The following KCNIP4 variants were observed in gnomAD, a reference collection of about 807,000 sequenced individuals.
KCNIP4 encodes the protein Kv channel-interacting protein 4.
In KCNIP4, 12 loss-of-function variants were observed where a neutral mutation model predicts 34.0. The ratio of observed to expected loss-of-function variants is 0.35; its 90% CI spans 0.23 to 0.57. KCNIP4 has a LOEUF of 0.57. Ranked by LOEUF, KCNIP4 falls within the 20% of genes least tolerant of loss-of-function variation. The pLI is 0.83. For synonymous variants in KCNIP4, 124 were observed against 102.2 expected (o/e 1.21, Z -1.29); for missense variants, 238 against 311.7 (o/e 0.76, Z 1.78).
chr4:21,508,571 A>G (rs1489358502), intron 1 of KCNIP4, among the ~76,000 whole-genome samples: 1 of 152,198 alleles, frequency 6.6e-6, no homozygotes, highest in Non-Finnish European at 1.5e-5. Context: ...TTAAATATTC[A>G]TCTTCCCACT....
At chr4:20,854,899 T>C (rs1485732918) in intron 2 of KCNIP4, among the ~76,000 whole-genome samples, 1 of 152,182 alleles carries the variant, frequency 6.6e-6, no homozygotes, top group African/African-American at 2.4e-5. Context: ...GAATTATGTT[T>C]ACGCTATAAT....
chr4:21,756,567 AAAGAG>A (rs1317841852), intron 1 of KCNIP4, among the ~76,000 whole-genome samples: 30 of 148,884 alleles, frequency 2.0e-4, no homozygotes, highest in Non-Finnish European at 3.7e-4. Flanking sequence ...AAAAAAAAAA[AAAGAG>A]AGAGAGAGAG....
At chr4:21,749,632 A>T (rs1577936856) in intron 1 of KCNIP4, among the ~76,000 whole-genome samples, 1 of 152,068 alleles carries the variant, frequency 6.6e-6, no homozygotes, top group Non-Finnish European at 1.5e-5. Context: ...AGCTAATGAG[A>T]CCCGTCATTC....
intron 1 of KCNIP4, among the ~76,000 whole-genome samples, chr4:21,344,708 G>C (rs541501079): frequency 1.3e-5 from 2 of 152,188 alleles, no homozygotes; most frequent in African/African-American, 4.8e-5. Context: ...TATGTAGGCA[G>C]AATAGGCATC....
At chr4:21,202,550 C>T (rs1756566702) in intron 1 of KCNIP4, among the ~76,000 whole-genome samples, 1 of 152,112 alleles carries the variant, frequency 6.6e-6, no homozygotes, top group Non-Finnish European at 1.5e-5. Flanking sequence ...ACCTTTGTAA[C>T]AAACTTGCAC....
intron 1 of KCNIP4, among the ~76,000 whole-genome samples, chr4:21,723,062 A>G (rs1189531832): frequency 6.6e-6 from 1 of 152,160 alleles, no homozygotes; most frequent in African/African-American, 2.4e-5. Flanking sequence ...TCTACAGAAT[A>G]AAATTTAACA....
At chr4:20,758,735 GCAT>G in intron 4 of KCNIP4, 83 bp downstream of exon 4, 1 of 962,592 alleles carries the variant, frequency 1.0e-6, no homozygotes, top group Non-Finnish European at 1.7e-6. Flanking sequence ...TAAAAATGTA[GCAT>G]CATGCTATGA....
At chr4:21,381,969 G>A (rs1721553094) in intron 1 of KCNIP4, among the ~76,000 whole-genome samples, 1 of 152,150 alleles carries the variant, frequency 6.6e-6, no homozygotes, top group South Asian at 2.1e-4. Context: ...GTATCAACAG[G>A]CTGCAAAAGA....
intron 1 of KCNIP4, among the ~76,000 whole-genome samples, chr4:21,855,007 T>G (rs1054021112): frequency 2.0e-5 from 3 of 152,206 alleles, no homozygotes; most frequent in Non-Finnish European, 4.4e-5. Flanking sequence ...CATTCCCTGC[T>G]CTATCATTTG....
intron 1 of KCNIP4, among the ~76,000 whole-genome samples, chr4:21,293,387 C>T (rs758869578): frequency 2.0e-4 from 31 of 152,158 alleles, no homozygotes; most frequent in African/African-American, 2.7e-4. Context: ...CACTCAGCCA[C>T]GCTGTCAATC....
intron 1 of KCNIP4, among the ~76,000 whole-genome samples, chr4:21,792,062 C>G (rs1228864465): frequency 4.0e-5 from 6 of 148,546 alleles, no homozygotes; most frequent in Middle Eastern, 3.2e-3. Context: ...TCCCTACACT[C>G]TCTCTGTTTT....
chr4:21,560,431 T>C (rs1477498747), intron 1 of KCNIP4, among the ~76,000 whole-genome samples: 2 of 152,092 alleles, frequency 1.3e-5, no homozygotes, highest in African/African-American at 4.8e-5. Flanking sequence ...GTTCAGAAAA[T>C]TAAATATTCA....
chr4:21,009,608 C>T (rs1282779961), intron 1 of KCNIP4, among the ~76,000 whole-genome samples: 1 of 152,194 alleles, frequency 6.6e-6, no homozygotes, highest in Non-Finnish European at 1.5e-5. Context: ...CATTTAATTA[C>T]TATCTCATAG....
At chr4:20,978,531 G>A (rs971194268) in intron 1 of KCNIP4, among the ~76,000 whole-genome samples, 6 of 152,280 alleles carry the variant, frequency 3.9e-5, no homozygotes, top group East Asian at 3.9e-4. Context: ...GGAATTTCAC[G>A]TGGTGTATCA....
chr4:21,716,286 G>C (rs1714371127), intron 1 of KCNIP4, among the ~76,000 whole-genome samples: 1 of 152,034 alleles, frequency 6.6e-6, no homozygotes, highest in Non-Finnish European at 1.5e-5. Flanking sequence ...TCCCAGGCTG[G>C]AGTGCAATGG....
intron 2 of KCNIP4, among the ~76,000 whole-genome samples, chr4:20,867,031 T>C (rs1217988052): frequency 2.0e-5 from 3 of 152,066 alleles, no homozygotes; most frequent in Admixed American, 6.6e-5. Flanking sequence ...TGGAAAAGCA[T>C]TTCATTCTTG....
At chr4:21,654,796 C>T (rs1475492509) in intron 1 of KCNIP4, among the ~76,000 whole-genome samples, 30 of 152,094 alleles carry the variant, frequency 2.0e-4, no homozygotes, top group Admixed American at 6.5e-5. Flanking sequence ...TGGTGGCTGA[C>T]GCCTGTAGTC....
chr4:21,698,872 G>T (rs770633082), intron 1 of KCNIP4, among the ~76,000 whole-genome samples: 12 of 152,148 alleles, frequency 7.9e-5, no homozygotes, highest in Middle Eastern at 3.4e-3. Flanking sequence ...GAAACACATT[G>T]AATGGAAACT....
intron 1 of KCNIP4, among the ~76,000 whole-genome samples, chr4:21,046,940 A>T (rs1742482059): frequency 6.6e-6 from 1 of 152,188 alleles, no homozygotes; most frequent in Admixed American, 6.5e-5. Flanking sequence ...TTGTTTTAAG[A>T]CGAAGTCTTC....
Sources: gnomAD v4.1 joint callset for allele counts (sites outside exome capture counted in the v4.1 genomes callset) on GRCh38, gnomAD v4.1.1 for gene constraint, MANE v1.5 for transcripts, NCBI Gene and HGNC (gene_info 2026-07-23, HGNC 2026-07-21) for gene names.